Variants in HMGB1 observed in about 807,000 individuals in gnomAD.
HMGB1 encodes the protein high mobility group box 1.
For synonymous variants in HMGB1, 81 were observed against 84.0 expected, an observed-to-expected ratio of 0.96 and a Z score of 0.19; for missense variants, 79 against 253.5, an observed-to-expected ratio of 0.31 and a Z score of 4.67.
At chr13:30,513,290 T>C (rs1888032229) in intron 1 of HMGB1, among the ~76,000 whole-genome samples, 1 of 152,236 alleles carries the variant, frequency 6.6e-6, no homozygotes, top group South Asian at 2.1e-4. Flanking sequence ...TCACTTTTCA[T>C]GTGGTCTGTA....
chr13:30,549,861 C>T (rs535180035), intron 1 of HMGB1, among the ~76,000 whole-genome samples: 1 of 152,088 alleles, frequency 6.6e-6, no homozygotes, highest in Non-Finnish European at 1.5e-5. Context: ...GGATTGCAGG[C>T]GCCCGCCATC....
chr13:30,462,860 C>T, intron 3 of HMGB1, 148 bp from the exon 4 acceptor site: 1 of 671,866 alleles, frequency 1.5e-6, no homozygotes, highest in Non-Finnish European at 2.5e-6. Flanking sequence ...ACTAAATATC[C>T]TTCACAACCA....
At chr13:30,590,691 A>G (rs758034825) in intron 1 of HMGB1, among the ~76,000 whole-genome samples, 4 of 152,218 alleles carry the variant, frequency 2.6e-5, no homozygotes, top group Admixed American at 1.3e-4. Flanking sequence ...TTAATCCTCA[A>G]TGCAACAGTA....
At chr13:30,604,133 A>C (rs1449044568) in intron 1 of HMGB1, among the ~76,000 whole-genome samples, 2 of 152,120 alleles carry the variant, frequency 1.3e-5, no homozygotes, top group Non-Finnish European at 2.9e-5. Flanking sequence ...CACAAAGAGA[A>C]AAAGCTGCTC....
At chr13:30,466,899 T>G (rs995012876), upstream of HMGB1, among the ~76,000 whole-genome samples, 2 of 152,236 alleles carry the variant, frequency 1.3e-5, no homozygotes, top group Non-Finnish European at 2.9e-5. Flanking sequence ...AACGAATCCT[T>G]GTGATGCTAT....
chr13:30,541,471 T>C (rs1868882589), intron 1 of HMGB1, among the ~76,000 whole-genome samples: 1 of 146,708 alleles, frequency 6.8e-6, no homozygotes. Flanking sequence ...CAAGTCTAAA[T>C]CTCACAAAGC....
At chr13:30,593,287 TA>T (rs1566035082) in intron 1 of HMGB1, among the ~76,000 whole-genome samples, 3 of 152,226 alleles carry the variant, frequency 2.0e-5, no homozygotes, top group African/African-American at 7.2e-5. Context: ...TATCTTTTAA[TA>T]AACAATATGG....
At position 30,588,497 on chromosome 13, in the gene HMGB1, C is replaced by T. The variant is rs563187128; in HGVS notation, c.-15+28174G>A. ...ACAGTAAAGAAATCTTCCTCTGCAGCGGGGGAAAAAACAGAATAATGGGAA... is the reference window on the plus strand; with the variant it reads ...ACAGTAAAGAAATCTTCCTCTGCAGTGGGGGAAAAAACAGAATAATGGGAA... On this transcript the variant is annotated intron_variant, in intron 1 of 4. Transcript: ENST00000405805. Among the ~76,000 whole-genome samples the T allele has an allele frequency of 5.3e-5, 8 of 151,920 alleles. No homozygotes were observed. The East Asian group carries it at 9.6e-4, about 18-fold the overall frequency.
chr13:30,611,501 T>C (rs983678820), intron 1 of HMGB1, among the ~76,000 whole-genome samples: 2 of 152,206 alleles, frequency 1.3e-5, no homozygotes, highest in Non-Finnish European at 2.9e-5. Flanking sequence ...TCCTCATCTA[T>C]AGGGACTTGT....
At chr13:30,517,996 G>C (rs1007334670) in intron 1 of HMGB1, among the ~76,000 whole-genome samples, 1 of 152,154 alleles carries the variant, frequency 6.6e-6, no homozygotes, top group African/African-American at 2.4e-5. Flanking sequence ...TTGACTGTTA[G>C]TGTAGTCAGA....
At chr13:30,548,546 C>G (rs890956574) in intron 1 of HMGB1, among the ~76,000 whole-genome samples, 2 of 152,214 alleles carry the variant, frequency 1.3e-5, no homozygotes, top group Non-Finnish European at 2.9e-5. Flanking sequence ...CAAGTTACAT[C>G]AAGATCTGTG....
chr13:30,581,525 C>T (rs977506543), intron 1 of HMGB1, among the ~76,000 whole-genome samples: 12 of 152,216 alleles, frequency 7.9e-5, no homozygotes, highest in Admixed American at 3.9e-4. Flanking sequence ...ACATGGCTAA[C>T]AAAGACTAAA....
intron 4 of HMGB1, chr13:30,462,307 G>T (rs865784318): frequency 1.8e-6 from 1 of 544,846 alleles, no homozygotes; most frequent in African/African-American, 1.9e-5. Context: ...AGATACTGGG[G>T]AATAACAAAA....
At chr13:30,545,670 C>A (rs906103054) in intron 1 of HMGB1, among the ~76,000 whole-genome samples, 4 of 152,150 alleles carry the variant, frequency 2.6e-5, no homozygotes, top group African/African-American at 9.7e-5. Context: ...CTCAGTCACA[C>A]TGGCCATATT....
intron 1 of HMGB1, among the ~76,000 whole-genome samples, chr13:30,604,394 C>T (rs1043313020): frequency 2.0e-5 from 3 of 152,122 alleles, no homozygotes; most frequent in African/African-American, 4.8e-5. Flanking sequence ...CCAATATCCC[C>T]CCAAGGAACA....
At position 30,463,212 on chromosome 13, in the gene HMGB1, C is replaced by T. The variant is rs760440175; in HGVS notation, c.291G>A (p.Arg97=). ...KKFKDPNAPK[R]PPSAFFLFCS... is the part of the protein sequence containing the mutation. ...AAAACAGGCAAGATACTCACGGAGG[C>T]CTCTTGGGTGCATTGGGATCCTTGA... Residue 97 remains arginine, a synonymous_variant, in exon 3 of 5, where the codon AGG becomes AGA. Coordinates refer to ENST00000341423, the MANE Select transcript of HMGB1 (RefSeq NM_002128.7). 3.1e-6 allele frequency: 5 copies of T among 1,601,608 alleles called. No homozygotes were observed. The highest frequency in any genetic ancestry group is 4.2e-6 in the Non-Finnish European group (5 of 1,177,658).
chr13:30,498,654 A>G (rs1887666511), intron 1 of HMGB1, among the ~76,000 whole-genome samples: 1 of 149,116 alleles, frequency 6.7e-6, no homozygotes, highest in Non-Finnish European at 1.5e-5. Flanking sequence ...TATTATTATT[A>G]TTATTATTAT....
At chr13:30,546,516 C>T (rs1869165935) in intron 1 of HMGB1, among the ~76,000 whole-genome samples, 1 of 152,176 alleles carries the variant, frequency 6.6e-6, no homozygotes, top group African/African-American at 2.4e-5. Context: ...CTGGGTCTTG[C>T]TCTGTTGTCC....
intron 1 of HMGB1, among the ~76,000 whole-genome samples, chr13:30,577,178 A>T (rs1396225575): frequency 1.3e-5 from 2 of 152,030 alleles, no homozygotes; most frequent in Admixed American, 6.6e-5. Context: ...CTCCATCTCT[A>T]CAAGAAAATA....
Sources: gnomAD v4.1 joint callset for allele counts (sites outside exome capture counted in the v4.1 genomes callset) on GRCh38, gnomAD v4.1.1 for gene constraint, MANE v1.5 for transcripts, NCBI Gene and HGNC (gene_info 2026-07-23, HGNC 2026-07-21) for gene names.